Variants in REXO5 observed in about 807,000 individuals in gnomAD.
REXO5 encodes exonuclease NEF-sp.
In REXO5, 48 loss-of-function variants were observed where a neutral mutation model predicts 88.5. The ratio of observed to expected loss-of-function variants is 0.54; its 90% CI spans 0.43 to 0.69. REXO5 has a LOEUF of 0.69. REXO5 is among the 30% of genes least tolerant of loss of function. REXO5 has a pLI of 0.00. For missense variants in REXO5, 749 were observed against 912.2 expected (o/e 0.82, Z 2.30); for synonymous variants, 311 against 336.5 (o/e 0.92, Z 0.83).
chr16:20,819,392 C>A, intron 5 of REXO5, among the ~76,000 whole-genome samples: 1 of 150,732 alleles, frequency 6.6e-6, no homozygotes, highest in South Asian at 2.1e-4. Flanking sequence ...TCTTTCCTTT[C>A]CTTTCCTTTC....
intron 15 of REXO5, among the ~76,000 whole-genome samples, chr16:20,841,374 A>G (rs1370485228): frequency 6.6e-6 from 1 of 152,216 alleles, no homozygotes; most frequent in Admixed American, 6.5e-5. Flanking sequence ...GGATGTTTGT[A>G]GAATGATATA....
intron 11 of REXO5, among the ~76,000 whole-genome samples, chr16:20,828,918 T>G (rs1026084013): frequency 6.8e-6 from 1 of 147,028 alleles, no homozygotes; most frequent in Non-Finnish European, 1.5e-5. Context: ...CACTCCAGCT[T>G]AGGTGACAGA....
At chr16:20,807,472 A>G (rs1392816427) in intron 2 of REXO5, 2 of 205,846 alleles carry the variant, frequency 9.7e-6, no homozygotes, top group Non-Finnish European at 2.0e-5. Context: ...AATCCCACCT[A>G]CTTGGGAGGC....
At position 20,806,662 on chromosome 16, in the gene REXO5, A is replaced by C. The variant is rs1475855677; in HGVS notation, c.-46A>C. Reference sequence around the variant, plus strand: ...CTCGGCAGCACCTTCCTTCTTTGCCAGGCAGACGCCCGTTGTAGCCGTTGG... The same window carrying C: ...CTCGGCAGCACCTTCCTTCTTTGCCCGGCAGACGCCCGTTGTAGCCGTTGG... On this transcript the variant is annotated 5_prime_UTR_variant, in exon 1 of 20. Transcript: ENST00000261377. 7 of 1,124,426 alleles carry C rather than the reference A, an allele frequency of 6.2e-6. No homozygotes were observed. Among genetic ancestry groups the C allele is most frequent in the Non-Finnish European group, 3.7e-6 (3 of 818,948 alleles). 69.7% of individuals were successfully genotyped at this position (1,124,426 alleles called of 1,614,324 possible). A position where few individuals can be genotyped will look rare whatever the true frequency, so the allele number is the denominator to read the frequency against.
chr16:20,848,242 T>C (rs2356270), intron 19 of REXO5, among the ~76,000 whole-genome samples: 1 of 137,800 alleles, frequency 7.3e-6, no homozygotes, highest in South Asian at 2.3e-4. Context: ...TGGGAAACGT[T>C]GGGGAAAAAA....
At chr16:20,831,628 A>C (rs957071991) in intron 11 of REXO5, among the ~76,000 whole-genome samples, 1 of 152,194 alleles carries the variant, frequency 6.6e-6, no homozygotes, top group Non-Finnish European at 1.5e-5. Context: ...AACTTTAAAA[A>C]TTATTCTCTC....
intron 7 of REXO5, 143 bp from the exon 8 acceptor site, chr16:20,825,690 C>G (rs2081249770): frequency 1.6e-6 from 1 of 614,212 alleles, no homozygotes; most frequent in African/African-American, 1.8e-5. Context: ...TTCACTCACA[C>G]TAGATCCTCT....
chr16:20,846,379 C>G, intron 19 of REXO5, 40 bp downstream of exon 19: 1 of 1,461,664 alleles, frequency 6.8e-7, no homozygotes, highest in Non-Finnish European at 9.6e-7. Context: ...ACTCTGTCCC[C>G]TGGATTTCAG....
chr16:20,807,126 G>A (rs767813982), intron 2 of REXO5, 35 bp downstream of exon 2: 2 of 1,574,196 alleles, frequency 1.3e-6, no homozygotes, highest in Non-Finnish European at 8.6e-7. Flanking sequence ...GCGGCCCTAG[G>A]CGGTTTGGAG....
chr16:20,838,305 T>C (rs1164892584), intron 13 of REXO5, among the ~76,000 whole-genome samples: 1 of 152,220 alleles, frequency 6.6e-6, no homozygotes, highest in Non-Finnish European at 1.5e-5. Flanking sequence ...TCTTAACTGT[T>C]TTTATGTACA....
intron 13 of REXO5, among the ~76,000 whole-genome samples, chr16:20,839,151 T>C (rs1361162116): frequency 6.6e-6 from 1 of 152,112 alleles, no homozygotes; most frequent in East Asian, 1.9e-4. Context: ...TTCAGAAGAG[T>C]TGGCATTCTT....
At chr16:20,815,542 A>AT (rs200180923) in intron 4 of REXO5, among the ~76,000 whole-genome samples, 3 of 85,196 alleles carry the variant, frequency 3.5e-5, no homozygotes, top group Admixed American at 3.1e-4. Flanking sequence ...CTGGGTCACC[A>AT]TTTTTTTTGC....
Position 20,833,115 on chromosome 16 carries a change from A to G in REXO5, c.1375A>G (p.Asn459Asp), listed in dbSNP as rs745713980. Reference sequence around the variant, plus strand: ...TTGTCAAACTATTAAGTGTCTTTCAAATAAAGAGGTGAGTGGCCTGCTGAA... The same window carrying G: ...TTGTCAAACTATTAAGTGTCTTTCAGATAAAGAGGTGAGTGGCCTGCTGAA... ...RNCQTIKCLSNKEVLEQARVE... is the reference protein window; with the variant it reads ...RNCQTIKCLSDKEVLEQARVE... The change falls in exon 13 of 20, where the codon AAT becomes GAT. Residue 459 changes from asparagine (N) to aspartate (D), a missense_variant. Asn to Asp is a conservative substitution (Grantham distance 23, BLOSUM62 1). Coordinates refer to ENST00000261377, the MANE Select transcript of REXO5 (RefSeq NM_030941.3). The G allele has an allele frequency of 9.9e-6, 16 of 1,613,098 alleles. No individual in the cohort carries two copies. The highest frequency in any genetic ancestry group is 1.7e-5 in the Admixed American group (1 of 59,972).
chr16:20,833,527 T>C (rs1035727530), intron 13 of REXO5, among the ~76,000 whole-genome samples: 1 of 152,230 alleles, frequency 6.6e-6, no homozygotes, highest in Non-Finnish European at 1.5e-5. Context: ...TCAGAAGATC[T>C]GTGTTTGTTT....
intron 14 of REXO5, 180 bp from the exon 15 acceptor site, chr16:20,840,151 T>C: frequency 1.8e-6 from 1 of 542,916 alleles, no homozygotes; most frequent in East Asian, 2.9e-5. Flanking sequence ...GATATACCTA[T>C]TAACATTTGT....
intron 2 of REXO5, among the ~76,000 whole-genome samples, chr16:20,809,468 C>G (rs550701126): frequency 6.1e-4 from 93 of 152,292 alleles, no homozygotes; most frequent in African/African-American, 2.2e-3. Context: ...TTAGTCTTCC[C>G]TTGATATTCA....
chr16:20,830,392 C>T lies in REXO5; in HGVS notation c.1159-1764C>T, dbSNP rs576263073. ...TGTATTTTTATTAGAGATGGGGTTT[C>T]ACCATGTTGGCCAGGCTGGTCTCAA... On this transcript the variant is annotated intron_variant, in intron 11 of 19. Coordinates refer to ENST00000261377, the MANE Select transcript of REXO5 (RefSeq NM_030941.3). Among the ~76,000 whole-genome samples the T allele has an allele frequency of 1.3e-3, 202 of 150,812 alleles. 1 individual carries two copies. Among genetic ancestry groups the T allele is most frequent in the African/African-American group, 4.7e-3 (194 of 41,084 alleles).
Position 20,828,438 on chromosome 16 carries a change from G to A in REXO5, c.1059G>A (p.Lys353=). 1 of 1,606,914 alleles carries A rather than the reference G, an allele frequency of 6.2e-7. No individual in the cohort carries two copies. The highest frequency in any genetic ancestry group is 8.5e-7 in the Non-Finnish European group (1 of 1,173,576). ...LKFLAKVILG[K]DIQCPDRLGH... ...CAATTTTATATTGACTTTCCAGGAA[G>A]GATATACAGTGTCCAGACAGACTTG... Residue 353 remains lysine, a synonymous_variant, in exon 11 of 20, where the codon AAG becomes AAA. Transcript: ENST00000261377.
chr16:20,827,123 A>G lies in REXO5; in HGVS notation c.887A>G (p.Gln296Arg). The G allele has an allele frequency of 6.2e-7, 1 of 1,614,146 alleles. No homozygotes were observed. Among genetic ancestry groups the G allele is most frequent in the Non-Finnish European group, 8.5e-7 (1 of 1,179,988 alleles). Residue 296 changes from glutamine to arginine, a missense_variant, in exon 9 of 20, where the codon CAG (glutamine) becomes CGG (arginine). Gln to Arg is a conservative substitution (Grantham distance 43). Transcript: ENST00000261377. ...VTTKLKDVQRQLKALLPPDAV... is the reference protein window; with the variant it reads ...VTTKLKDVQRRLKALLPPDAV... The stretch of plus-strand genomic sequence containing the variant: ...ACCAAACTCAAAGATGTACAGAGGC[A>G]GTTAAAAGCACTGCTTCCTCCTGAT...
Sources: allele counts gnomAD v4.1 joint callset (sites outside exome capture counted in the v4.1 genomes callset), GRCh38; gene constraint gnomAD v4.1.1; transcripts MANE v1.5; gene names NCBI Gene and HGNC (gene_info 2026-07-23, HGNC 2026-07-21).